SLCO1B3: variants seen among roughly 807,000 people sequenced by gnomAD.
SLCO1B3 encodes the protein solute carrier organic anion transporter family member 1B3, also known as liver-specific organic anion transporter 2.
SLCO1B3 carries 72 observed loss-of-function variants against 71.8 expected under a neutral mutation model. The ratio of observed to expected loss-of-function variants is 1.00; its 90% CI spans 0.83 to 1.22. The LOEUF is 1.22. SLCO1B3 is among the 50% of genes most tolerant of loss of function. The pLI is 0.00. For synonymous variants in SLCO1B3, 298 were observed against 278.4 expected, an observed-to-expected ratio of 1.07 and a Z score of -0.70; for missense variants, 911 against 819.7, an observed-to-expected ratio of 1.11 and a Z score of -1.36.
intron 15 of SLCO1B3, among the ~76,000 whole-genome samples, chr12:20,908,572 A>G (rs1185648055): frequency 6.6e-6 from 1 of 152,218 alleles, no homozygotes; most frequent in African/African-American, 2.4e-5. Flanking sequence ...ATCCCTAGAA[A>G]CCAATAGTCT....
chr12:20,815,844 C>G (rs370551723), intron 3 of SLCO1B3, 22 bp downstream of exon 3: 1 of 1,483,204 alleles, frequency 6.7e-7, no homozygotes, highest in Non-Finnish European at 9.2e-7. Flanking sequence ...TTTATATTTT[C>G]AAACTAAAAT....
At chr12:20,870,326 T>C (rs188005778) in intron 8 of SLCO1B3, among the ~76,000 whole-genome samples, 6 of 152,164 alleles carry the variant, frequency 3.9e-5, no homozygotes, top group African/African-American at 7.2e-5. Context: ...GGGTAGAAGC[T>C]TTTTAGTTTG....
intron 8 of SLCO1B3, among the ~76,000 whole-genome samples, chr12:20,867,954 C>A (rs1016832491): frequency 6.6e-6 from 1 of 152,140 alleles, no homozygotes; most frequent in African/African-American, 2.4e-5. Flanking sequence ...AGTGCCTCCC[C>A]TTCCTCCTCC....
At chr12:20,816,041 GTTTA>G (rs1453291572) in intron 3 of SLCO1B3, among the ~76,000 whole-genome samples, 1 of 152,032 alleles carries the variant, frequency 6.6e-6, no homozygotes, top group Non-Finnish European at 1.5e-5. Context: ...ATGAATAAAG[GTTTA>G]TTTATTTTTA....
intron 15 of SLCO1B3, among the ~76,000 whole-genome samples, chr12:20,915,341 A>G (rs1339888183): frequency 6.6e-6 from 1 of 152,038 alleles, no homozygotes; most frequent in East Asian, 1.9e-4. Context: ...TAGAATTTTT[A>G]TCTCTTTACT....
At chr12:20,907,676 T>A (rs1314099320) in intron 15 of SLCO1B3, among the ~76,000 whole-genome samples, 1 of 151,630 alleles carries the variant, frequency 6.6e-6, no homozygotes, top group Non-Finnish European at 1.5e-5. Flanking sequence ...GGCAGGCTAA[T>A]TTTTTTGTAT....
chr12:20,842,884 C>G (rs1864832357), intron 3 of SLCO1B3, among the ~76,000 whole-genome samples: 1 of 152,100 alleles, frequency 6.6e-6, no homozygotes, highest in Admixed American at 6.5e-5. Context: ...AAAGCAGACC[C>G]CTCATGAATG....
intron 11 of SLCO1B3, among the ~76,000 whole-genome samples, 167 bp from the exon 12 acceptor site, chr12:20,880,688 T>A (rs1225988085): frequency 6.6e-6 from 1 of 152,084 alleles, no homozygotes; most frequent in Non-Finnish European, 1.5e-5. Context: ...GCAAATCAAA[T>A]TTCTCTATCT....
At chr12:20,883,763 A>T (rs560482738) in intron 13 of SLCO1B3, among the ~76,000 whole-genome samples, 161 bp downstream of exon 13, 1 of 151,922 alleles carries the variant, frequency 6.6e-6, no homozygotes, top group African/African-American at 2.4e-5. Context: ...CAATAACATC[A>T]TTAATAATTT....
intron 3 of SLCO1B3, among the ~76,000 whole-genome samples, chr12:20,843,628 A>T (rs1374078708): frequency 6.6e-6 from 1 of 152,028 alleles, no homozygotes; most frequent in African/African-American, 2.4e-5. Context: ...AAAATACAAA[A>T]AAATTAGCTG....
chr12:20,878,183 G>GA (rs537552606), intron 10 of SLCO1B3, among the ~76,000 whole-genome samples: 5 of 150,868 alleles, frequency 3.3e-5, no homozygotes, highest in South Asian at 4.2e-4. Flanking sequence ...AAATTCTAAA[G>GA]AAAAAAAATT....
rs372510140 is a variant in SLCO1B3, at chr12:20,822,279, A to G, written c.84+6457A>G. Among the ~76,000 whole-genome samples, 162 of 152,272 alleles carry G rather than the reference A, an allele frequency of 1.1e-3. 4 individuals carry two copies. The South Asian group carries it at 0.033, about 31-fold the overall frequency. On this transcript the variant is annotated intron_variant, in intron 3 of 15. Coordinates refer to ENST00000381545, the MANE Select transcript of SLCO1B3 (RefSeq NM_019844.4). Reference sequence around the variant, plus strand: ...CTGGATGCGGTTGGGCTGAGTCCGAAAAGAGAGTCAGTGAAGGGAGATAAG... The same window carrying G: ...CTGGATGCGGTTGGGCTGAGTCCGAGAAGAGAGTCAGTGAAGGGAGATAAG...
chr12:20,845,815 T>C (rs940850011), intron 3 of SLCO1B3, among the ~76,000 whole-genome samples: 1 of 152,144 alleles, frequency 6.6e-6, no homozygotes, highest in Admixed American at 6.6e-5. Context: ...GTCAGTGAAG[T>C]TTTTAAGTTC....
intron 3 of SLCO1B3, among the ~76,000 whole-genome samples, chr12:20,818,872 T>A (rs1864239022): frequency 6.6e-6 from 1 of 152,146 alleles, no homozygotes; most frequent in South Asian, 2.1e-4. Context: ...AGGTGTGGTG[T>A]CTGGAATAAT....
chr12:20,828,642 C>CAGAT (rs1307518344), intron 3 of SLCO1B3, among the ~76,000 whole-genome samples: 1 of 116,728 alleles, frequency 8.6e-6, no homozygotes, highest in East Asian at 3.1e-4. Flanking sequence ...GGCACACACA[C>CAGAT]ACATACACAC....
chr12:20,826,856 C>T (rs574670911), intron 3 of SLCO1B3, among the ~76,000 whole-genome samples: 1 of 151,968 alleles, frequency 6.6e-6, no homozygotes, highest in Admixed American at 6.5e-5. Flanking sequence ...AAATTATTTT[C>T]CTTTAAATAA....
intron 3 of SLCO1B3, among the ~76,000 whole-genome samples, chr12:20,818,675 A>G (rs1378845429): frequency 6.6e-6 from 1 of 152,206 alleles, no homozygotes; most frequent in African/African-American, 2.4e-5. Flanking sequence ...AGGAAATGAA[A>G]GGTTCTAAGA....
intron 12 of SLCO1B3, among the ~76,000 whole-genome samples, chr12:20,881,432 G>A (rs182058548): frequency 6.6e-5 from 10 of 152,232 alleles, no homozygotes; most frequent in Non-Finnish European, 1.2e-4. Context: ...CCTGCTTTAC[G>A]AGAACAATAA....
intron 15 of SLCO1B3, 41 bp from the exon 16 acceptor site, chr12:20,915,963 A>G (rs747718314): frequency 6.7e-7 from 1 of 1,481,932 alleles, no homozygotes; most frequent in East Asian, 2.3e-5. Flanking sequence ...TATTTTACAC[A>G]TTTAAAATAA....
Sources: allele counts gnomAD v4.1 joint callset (sites outside exome capture counted in the v4.1 genomes callset), GRCh38; gene constraint gnomAD v4.1.1; transcripts MANE v1.5; gene names NCBI Gene and HGNC (gene_info 2026-07-23, HGNC 2026-07-21).